Variants in ANK1 observed in about 807,000 individuals in gnomAD.
The protein encoded by ANK1 is ankyrin 1.
ANK1 carries 51 observed loss-of-function variants against 210.4 expected under a neutral mutation model. That is an observed-to-expected ratio of 0.24 (90% CI 0.19 to 0.31). The LOEUF (loss-of-function observed/expected upper bound fraction) is 0.31. Ranked by LOEUF, ANK1 falls within the 10% of genes least tolerant of loss-of-function variation. The pLI is 1.00. For missense variants in ANK1, 2,051 were observed against 2,504.4 expected (o/e 0.82, Z 3.86); for synonymous variants, 967 against 1,025.9 (o/e 0.94, Z 1.10).
intron 1 of ANK1, chr8:41,828,584 T>C (rs1426548803): frequency 1.9e-5 from 3 of 154,184 alleles, no homozygotes; most frequent in Non-Finnish European, 4.4e-5. Context: ...TCTGTGGGGA[T>C]TCCCATACCG....
intron 39 of ANK1, among the ~76,000 whole-genome samples, chr8:41,667,292 G>C (rs1563352326): frequency 6.6e-6 from 1 of 152,170 alleles, no homozygotes; most frequent in Non-Finnish European, 1.5e-5. Context: ...CTAAGGTTGA[G>C]GTAGGAAAGA....
chr8:41,786,695 C>G (rs1846477225), intron 1 of ANK1, among the ~76,000 whole-genome samples: 1 of 152,168 alleles, frequency 6.6e-6, no homozygotes, highest in African/African-American at 2.4e-5. Flanking sequence ...GTGCCACACA[C>G]TAGTGTCTCT....
intron 1 of ANK1, among the ~76,000 whole-genome samples, chr8:41,776,405 G>A (rs545085291): frequency 1.3e-5 from 2 of 152,194 alleles, no homozygotes; most frequent in African/African-American, 4.8e-5. Flanking sequence ...GGGAGGCCTT[G>A]AATCAATAAT....
chr8:41,708,076 G>T (rs1223163903), intron 17 of ANK1, among the ~76,000 whole-genome samples: 1 of 152,184 alleles, frequency 6.6e-6, no homozygotes, highest in Non-Finnish European at 1.5e-5. Flanking sequence ...AGTGATGAAA[G>T]TGTTCTAGAG....
At chr8:41,744,840 A>G (rs908809709) in intron 2 of ANK1, among the ~76,000 whole-genome samples, 2 of 152,206 alleles carry the variant, frequency 1.3e-5, no homozygotes, top group African/African-American at 4.8e-5. Flanking sequence ...CGATGGGAGC[A>G]TGATTTCTAT....
chr8:41,706,726 G>T (rs571970545), intron 17 of ANK1, among the ~76,000 whole-genome samples: 1 of 152,204 alleles, frequency 6.6e-6, no homozygotes. Context: ...AGACAATAGG[G>T]GTTATCATGG....
intron 16 of ANK1, among the ~76,000 whole-genome samples, chr8:41,713,228 C>T (rs534344639): frequency 1.9e-3 from 294 of 152,314 alleles, no homozygotes; most frequent in African/African-American, 6.5e-3. Flanking sequence ...GTTTCCCGTG[C>T]GCCTGGCTGC....
At chr8:41,686,395 A>G in intron 35 of ANK1, 112 bp from the exon 36 acceptor site, 2 of 1,420,272 alleles carry the variant, frequency 1.4e-6, no homozygotes, top group Non-Finnish European at 2.0e-6. Flanking sequence ...AGTGGGGAGC[A>G]CAGGGAGCTC....
At chr8:41,847,400 A>G (rs1290412193) in intron 1 of ANK1, among the ~76,000 whole-genome samples, 1 of 152,220 alleles carries the variant, frequency 6.6e-6, no homozygotes, top group African/African-American at 2.4e-5. Context: ...AATCAGTCAC[A>G]TGATTGCTGA....
At chr8:41,708,010 G>A (rs1230574768) in intron 17 of ANK1, among the ~76,000 whole-genome samples, 1 of 152,154 alleles carries the variant, frequency 6.6e-6, no homozygotes, top group Non-Finnish European at 1.5e-5. Flanking sequence ...GTGAGGGACC[G>A]GGGGCTCTGG....
chr8:41,724,371 T>C (rs999746174), intron 7 of ANK1, 85 bp downstream of exon 7: 11 of 1,213,056 alleles, frequency 9.1e-6, no homozygotes, highest in South Asian at 3.9e-5. Context: ...CTTCTGCCAC[T>C]GGGATGAAAC....
At chr8:41,797,681 TGCTGTCGGGCCGGGCGCTCCCGGCACGG>T (rs1351761468), upstream of ANK1, 1 of 1,305,794 alleles carries the variant, frequency 7.7e-7, no homozygotes, top group Admixed American at 3.4e-5. This position sits in a 1 kb window ranked among gnomAD's most constrained non-coding sequence, Gnocchi z 4.0. Flanking sequence ...CAGAGGCGCT[TGCTGTCGGGCCGGGCGCTCCCGGCACGG>T]GCGGGCGGAG....
At chr8:41,734,700 T>G (rs1833002286) in intron 2 of ANK1, among the ~76,000 whole-genome samples, 2 of 151,376 alleles carry the variant, frequency 1.3e-5, no homozygotes, top group South Asian at 4.2e-4. Flanking sequence ...GAGACCAGCC[T>G]GGGCAACATG....
intron 1 of ANK1, among the ~76,000 whole-genome samples, chr8:41,772,880 C>G (rs1027416548): frequency 6.6e-6 from 1 of 152,188 alleles, no homozygotes; most frequent in Admixed American, 6.5e-5. Flanking sequence ...GAACTCCACC[C>G]TTTACCGAGA....
rs56259522 is a variant in ANK1, at chr8:41,750,565, C to CT, written c.129+7470dup. Among the ~76,000 whole-genome samples the CT allele has an allele frequency of 1.1e-3, 171 of 148,886 alleles. 1 individual carries two copies. The highest frequency in any genetic ancestry group is 3.2e-3 in the African/African-American group (131 of 40,710). On this transcript the variant is annotated intron_variant, in intron 2 of 42. Coordinates refer to ENST00000289734, the MANE Select transcript of ANK1 (RefSeq NM_000037.4). ...ATAGCTATAGCAAACAACATTGCTG[C>CT]TTTTTTTTTTTCCACACAGTCTGTC...
rs559319677 is a variant in ANK1 at position 41,682,078 on chromosome 8, G to T, written c.4537+2466C>A. ...ACTCTTTGGCCAGAACCCTCTGATG[G>T]CTTTCCAGCTTACTCCAAGTCAAAC... On this transcript the variant is annotated intron_variant, in intron 37 of 42. Transcript: ENST00000289734. Among the ~76,000 whole-genome samples the T allele has an allele frequency of 1.8e-4, 28 of 152,288 alleles. 1 individual carries two copies. The highest frequency in any genetic ancestry group is 6.0e-4 in the African/African-American group (25 of 41,562).
chr8:41,800,943 GT>G (rs1428633101), upstream of ANK1, among the ~76,000 whole-genome samples: 1 of 152,050 alleles, frequency 6.6e-6, no homozygotes, highest in Non-Finnish European at 1.5e-5. Flanking sequence ...ACAATGTCTT[GT>G]TTAGTTTTGC....
At chr8:41,792,554 G>A (rs1229456073) in intron 1 of ANK1, among the ~76,000 whole-genome samples, 3 of 152,198 alleles carry the variant, frequency 2.0e-5, no homozygotes. Context: ...GTCGAAGCCA[G>A]GGAAAATAAG....
chr8:41,681,111 C>A (rs951340321), intron 37 of ANK1, among the ~76,000 whole-genome samples: 1 of 152,200 alleles, frequency 6.6e-6, no homozygotes, highest in East Asian at 1.9e-4. Context: ...GCTAGCTTAA[C>A]GTCAGCAGCA....
Sources: gnomAD v4.1 joint callset for allele counts (sites outside exome capture counted in the v4.1 genomes callset) on GRCh38, gnomAD v4.1.1 for gene constraint, Gnocchi (gnomAD v3.1) non-coding constraint, MANE v1.5 for transcripts, NCBI Gene and HGNC (gene_info 2026-07-23, HGNC 2026-07-21) for gene names.